Variants in POLN observed in about 807,000 individuals in gnomAD.
POLN encodes DNA polymerase nu.
POLN carries 108 observed loss-of-function variants against 113.5 expected under a neutral mutation model. The observed-to-expected ratio is 0.95, with a 90% CI of 0.81 to 1.12. The LOEUF (loss-of-function observed/expected upper bound fraction) is 1.12. Ranked by LOEUF, POLN falls within the 50% of genes most tolerant of loss-of-function variation. The probability of loss-of-function intolerance (pLI) is 0.00; values close to 1 mark genes in which losing one functional copy is unlikely to be tolerated. For missense variants in POLN, 1,097 were observed against 1,077.1 expected, an observed-to-expected ratio of 1.02 and a Z score of -0.26; for synonymous variants, 386 against 391.5, an observed-to-expected ratio of 0.99 and a Z score of 0.17.
intron 16 of POLN, among the ~76,000 whole-genome samples, chr4:2,148,654 G>A (rs1380361243): frequency 3.2e-5 from 4 of 124,504 alleles, no homozygotes; most frequent in South Asian, 3.0e-4. Context: ...GCGACAGAGC[G>A]AGACTCTGTC....
chr4:2,176,148 T>C, intron 9 of POLN, 118 bp downstream of exon 9: 2 of 808,480 alleles, frequency 2.5e-6, no homozygotes, highest in South Asian at 1.5e-5. Flanking sequence ...GGTTAATTTG[T>C]TCTTAGAACT....
intron 6 of POLN, among the ~76,000 whole-genome samples, chr4:2,195,666 T>C (rs970921302): frequency 6.6e-6 from 1 of 151,972 alleles, no homozygotes; most frequent in African/African-American, 2.4e-5. Flanking sequence ...AAATTTTTTG[T>C]AGAGATTGGG....
intron 23 of POLN, chr4:2,078,746 C>G: frequency 3.0e-6 from 3 of 985,482 alleles, no homozygotes; most frequent in Non-Finnish European, 3.6e-6. Context: ...TTGCATTTTG[C>G]TATGAGAAGC....
intron 13 of POLN, among the ~76,000 whole-genome samples, chr4:2,168,055 A>G (rs1732771330): frequency 6.6e-6 from 1 of 152,220 alleles, no homozygotes; most frequent in Non-Finnish European, 1.5e-5. Context: ...GAAAAAAATA[A>G]TACGTCTCAA....
At chr4:2,224,022 T>G (rs1457650891) in intron 3 of POLN, among the ~76,000 whole-genome samples, 3 of 152,242 alleles carry the variant, frequency 2.0e-5, no homozygotes, top group Non-Finnish European at 4.4e-5. Flanking sequence ...TTTATACACT[T>G]TTAAATTTTT....
intron 16 of POLN, chr4:2,140,857 C>T (rs182141054): frequency 2.6e-5 from 4 of 152,304 alleles, no homozygotes; most frequent in Non-Finnish European, 5.9e-5. Flanking sequence ...ATGACGGTGC[C>T]CACCACCCCC....
chr4:2,112,087 C>A (rs1229336293), intron 19 of POLN, among the ~76,000 whole-genome samples: 1 of 152,182 alleles, frequency 6.6e-6, no homozygotes, highest in African/African-American at 2.4e-5. Context: ...TGCTGCATAT[C>A]TACAACTATC....
chr4:2,143,350 G>C (rs1438935128), intron 16 of POLN, among the ~76,000 whole-genome samples: 1 of 152,042 alleles, frequency 6.6e-6, no homozygotes, highest in Non-Finnish European at 1.5e-5. Flanking sequence ...ATGAATATCA[G>C]AAATGAAACC....
intron 19 of POLN, among the ~76,000 whole-genome samples, chr4:2,124,493 G>A (rs1246448489): frequency 6.6e-6 from 1 of 152,070 alleles, no homozygotes; most frequent in Non-Finnish European, 1.5e-5. Context: ...TGCCCAGGCT[G>A]GTCTCAAACT....
In POLN at chr4:2,189,837, T is replaced by C. The variant is rs183804597; in HGVS notation, c.1021+3367A>G. On this transcript the variant is annotated intron_variant, in intron 7 of 25. Coordinates refer to ENST00000511885, the MANE Select transcript of POLN (RefSeq NM_181808.4). Reference sequence around the variant, plus strand: ...CGAGGTCAGGAGATCAAGACCATCCTGGCCAACATGGTGAAACCCCGTCTC... The same window carrying C: ...CGAGGTCAGGAGATCAAGACCATCCCGGCCAACATGGTGAAACCCCGTCTC... 5.8e-3 allele frequency among the ~76,000 whole-genome samples: 885 copies of C among 151,856 alleles called. 3 individuals carry two copies. Among genetic ancestry groups the C allele is most frequent in the Non-Finnish European group, 9.1e-3 (617 of 67,930 alleles).
At chr4:2,100,496 C>T (rs939778803) in intron 19 of POLN, among the ~76,000 whole-genome samples, 3 of 152,196 alleles carry the variant, frequency 2.0e-5, no homozygotes, top group Non-Finnish European at 2.9e-5. Context: ...GGAAGATGTG[C>T]TGTGCTCCTG....
intron 5 of POLN, among the ~76,000 whole-genome samples, chr4:2,206,295 C>G (rs1733840258): frequency 2.6e-5 from 4 of 152,132 alleles, no homozygotes; most frequent in Non-Finnish European, 5.9e-5. Context: ...TATAAAAATT[C>G]TAGAAGATAA....
At chr4:2,089,557 A>G (rs1730620604) in intron 20 of POLN, 3 of 1,145,520 alleles carry the variant, frequency 2.6e-6, no homozygotes, top group African/African-American at 3.1e-5. Context: ...ACTTTGTTCA[A>G]CTAAAGAAAC....
At chr4:2,172,368 A>G (rs146635101) in intron 11 of POLN, among the ~76,000 whole-genome samples, 121 of 148,250 alleles carry the variant, frequency 8.2e-4, no homozygotes, top group African/African-American at 2.9e-3. Flanking sequence ...AGCTCAACGG[A>G]CTCATGTACT....
rs893823759 is a variant in POLN at position 2,129,357 on chromosome 4, G to A, written c.1790-101C>T. 53 of 741,596 alleles carry A rather than the reference G, an allele frequency of 7.1e-5. No individual in the cohort carries two copies. In the African/African-American group the frequency reaches 9.5e-4, roughly 13 times the overall value. 45.9% of individuals were successfully genotyped at this position (741,596 alleles called of 1,614,324 possible). On this transcript the variant is annotated intron_variant, in intron 17 of 25. Transcript: ENST00000511885. ...TTTGAATATTATTCTGAAGTCCAGA[G>A]TTAAGATTTTAAATTTTTCCGAATA...
At chr4:2,169,453 C>T (rs560390030) in intron 13 of POLN, among the ~76,000 whole-genome samples, 15 of 152,112 alleles carry the variant, frequency 9.9e-5, no homozygotes, top group African/African-American at 2.7e-4. Context: ...TGAGAGGAGG[C>T]GGAAGGAAAG....
At chr4:2,232,224 A>T in intron 2 of POLN, 1 of 743,854 alleles carries the variant, frequency 1.3e-6, no homozygotes, top group Non-Finnish European at 2.1e-6. Context: ...TATAAAATTA[A>T]AATATAATTT....
At chr4:2,152,594 A>G (rs568212491) in intron 16 of POLN, among the ~76,000 whole-genome samples, 21 of 152,046 alleles carry the variant, frequency 1.4e-4, no homozygotes, top group Non-Finnish European at 2.6e-4. Context: ...GTGCACTTTA[A>G]GCAAAAAAAA....
chr4:2,161,942 C>G (rs1242638055), intron 13 of POLN, among the ~76,000 whole-genome samples: 1 of 152,086 alleles, frequency 6.6e-6, no homozygotes, highest in Non-Finnish European at 1.5e-5. Flanking sequence ...CTGTATCTAG[C>G]TAATCTGGTG....
Sources: gnomAD v4.1 joint callset for allele counts (sites outside exome capture counted in the v4.1 genomes callset) on GRCh38, gnomAD v4.1.1 for gene constraint, MANE v1.5 for transcripts, NCBI Gene and HGNC (gene_info 2026-07-23, HGNC 2026-07-21) for gene names.